The following DYNC2H1 variants were observed in gnomAD, a reference collection of about 807,000 sequenced individuals.
DYNC2H1 encodes dynein cytoplasmic 2 heavy chain 1.
DYNC2H1 carries 410 observed loss-of-function variants against 570.0 expected under a neutral mutation model. The ratio of observed to expected loss-of-function variants is 0.72; its 90% CI spans 0.66 to 0.78. The LOEUF is 0.78. DYNC2H1 is among the 30% of genes least tolerant of loss of function. DYNC2H1 has a pLI of 0.00. For missense variants in DYNC2H1, 4,865 were observed against 5,046.4 expected, an observed-to-expected ratio of 0.96 and a Z score of 1.09; for synonymous variants, 1,688 against 1,677.6, an observed-to-expected ratio of 1.01 and a Z score of -0.15.
At chr11:103,266,125 C>T (rs771516122) in intron 70 of DYNC2H1, among the ~76,000 whole-genome samples, 3 of 152,114 alleles carry the variant, frequency 2.0e-5, no homozygotes, top group Admixed American at 6.5e-5. Flanking sequence ...CACTACACTG[C>T]GATAGGTGGT....
chr11:103,398,508 C>G (rs549958349), intron 83 of DYNC2H1, among the ~76,000 whole-genome samples: 1 of 152,112 alleles, frequency 6.6e-6, no homozygotes, highest in Non-Finnish European at 1.5e-5. Context: ...AAATTACTTA[C>G]TATGCTAAAT....
chr11:103,332,525 C>T (rs765825755), intron 82 of DYNC2H1, among the ~76,000 whole-genome samples: 1 of 151,986 alleles, frequency 6.6e-6, no homozygotes, highest in South Asian at 2.1e-4. Flanking sequence ...ACCCTAGCAG[C>T]GGGGTAGAGA....
chr11:103,405,882 T>G (rs1355076141), intron 84 of DYNC2H1: 1 of 151,952 alleles, frequency 6.6e-6, no homozygotes, highest in Non-Finnish European at 1.5e-5. Context: ...AGACTATAAA[T>G]CTAAAGACAG....
Position 103,435,712 on chromosome 11 carries a change from T to C in DYNC2H1, c.12367-231T>C, listed in dbSNP as rs189397145. Among the ~76,000 whole-genome samples the C allele has an allele frequency of 6.6e-5, 10 of 152,294 alleles. No individual in the cohort carries two copies. The East Asian group carries it at 1.7e-3, about 26-fold the overall frequency. On this transcript the variant is annotated intron_variant, in intron 84 of 88. Coordinates refer to ENST00000375735, the MANE Select transcript of DYNC2H1 (RefSeq NM_001377.3). ...AAAACATGGTTGACTATTTTTTATA[T>C]GCCAGTTTAAGTTCATCTTGTTATT...
chr11:103,321,388 C>G, intron 81 of DYNC2H1, 151 bp downstream of exon 81: 1 of 921,420 alleles, frequency 1.1e-6, no homozygotes, highest in Non-Finnish European at 1.6e-6. Flanking sequence ...TTGATTCTTT[C>G]AACTTTAGTG....
intron 87 of DYNC2H1, among the ~76,000 whole-genome samples, chr11:103,459,315 AAAAAAAAAAAAAAAAAAAG>A (rs1189813576): frequency 6.9e-6 from 1 of 144,608 alleles, no homozygotes; most frequent in East Asian, 2.1e-4. Context: ...TCTCAAAAAA[AAAAAAAAAAAAAAAAAAAG>A]GAAATTCCAT....
chr11:103,207,223 GTTT>G (rs1010417972), intron 52 of DYNC2H1, among the ~76,000 whole-genome samples: 1 of 66,788 alleles, frequency 1.5e-5, no homozygotes, highest in African/African-American at 7.6e-5. Context: ...GCCTGGGCCT[GTTT>G]TTTTTTTTTT....
In DYNC2H1 at chr11:103,442,747, G is replaced by A. The variant is rs1483874498; in HGVS notation, c.12456+6715G>A. On this transcript the variant is annotated intron_variant, in intron 85 of 88. Transcript: ENST00000375735. ...ATCTGCATTGCACCTTTCATCACAT[G>A]CATACCAATTTTAGCAGCTTCCTGG... Among the ~76,000 whole-genome samples the A allele has an allele frequency of 3.3e-5, 5 of 152,132 alleles. No individual in the cohort carries two copies. The East Asian group carries it at 9.7e-4, about 29-fold the overall frequency.
chr11:103,147,223 G>A (rs1340432256), intron 18 of DYNC2H1, among the ~76,000 whole-genome samples: 1 of 151,914 alleles, frequency 6.6e-6, no homozygotes, highest in African/African-American at 2.4e-5. Context: ...AACAGTTCTG[G>A]GAATTCTGTT....
Position 103,412,383 on chromosome 11 carries a change from A to G in DYNC2H1, c.12366+12511A>G, listed in dbSNP as rs185790708. Among the ~76,000 whole-genome samples the G allele has an allele frequency of 2.6e-3, 397 of 152,230 alleles. 4 individuals are homozygous for G. Among genetic ancestry groups the G allele is most frequent in the African/African-American group, 8.8e-3 (366 of 41,526 alleles). ...TATAATTTGCTTTTTAAAGAAAACA[A>G]TATTGTAAAATAGTTATCTTCTACA... On this transcript the variant is annotated intron_variant, in intron 84 of 88. Coordinates refer to ENST00000375735, the MANE Select transcript of DYNC2H1 (RefSeq NM_001377.3).
chr11:103,371,517 C>T (rs1941145372), intron 83 of DYNC2H1, among the ~76,000 whole-genome samples: 1 of 152,002 alleles, frequency 6.6e-6, no homozygotes, highest in Admixed American at 6.6e-5. Context: ...TAATCAGACT[C>T]CCAAAGATCA....
chr11:103,462,070 A>C (rs1945032108), intron 87 of DYNC2H1, among the ~76,000 whole-genome samples: 1 of 152,200 alleles, frequency 6.6e-6, no homozygotes, highest in East Asian at 1.9e-4. Flanking sequence ...ATCAGTGTCA[A>C]AATAATGAAA....
chr11:103,154,276 T>C (rs909527087), intron 22 of DYNC2H1, among the ~76,000 whole-genome samples, 175 bp from the exon 23 acceptor site: 4 of 152,050 alleles, frequency 2.6e-5, no homozygotes, highest in Non-Finnish European at 5.9e-5. Context: ...AGTAAATAGG[T>C]AGTTTCTTAA....
At position 103,245,446 on chromosome 11, in the gene DYNC2H1, A is replaced by C. The variant is rs1864578887; in HGVS notation, c.10042+72A>C. On this transcript the variant is annotated intron_variant, in intron 65 of 88. Transcript: ENST00000375735. The surrounding 1 kb of genome is among the most constrained non-coding windows in gnomAD (Gnocchi z 4.5). ...AAAGTAAGTAATTAAACCAGGTGCA[A>C]GCTTTCAAGAGTCCTCTTCCAGTGG... 1 of 1,436,052 alleles carries C rather than the reference A, an allele frequency of 7.0e-7. No homozygotes were observed. The highest frequency in any genetic ancestry group is 9.3e-7 in the Non-Finnish European group (1 of 1,071,506). 89.0% of individuals were successfully genotyped at this position (1,436,052 alleles called of 1,614,324 possible). A position where few individuals can be genotyped will look rare whatever the true frequency, so the allele number is the denominator to read the frequency against.
chr11:103,305,416 C>T lies in DYNC2H1; in HGVS notation c.11382+696C>T, dbSNP rs7950038. ...AAGAGATGTCCTTGATAGTACTAGA[C>T]GGGCCAGGCAGGGAAGCGTGGGGAA... On this transcript the variant is annotated intron_variant, in intron 77 of 88. Coordinates refer to ENST00000375735, the MANE Select transcript of DYNC2H1 (RefSeq NM_001377.3). This position sits in a 1 kb window ranked among gnomAD's most constrained non-coding sequence, Gnocchi z 4.3. 0.17 allele frequency among the ~76,000 whole-genome samples: 25,281 copies of T among 151,962 alleles called. 2,300 individuals carry two copies. The highest frequency in any genetic ancestry group is 0.25 in the Admixed American group (3,870 of 15,242).
At chr11:103,393,475 A>G (rs1942259732) in intron 83 of DYNC2H1, among the ~76,000 whole-genome samples, 1 of 152,220 alleles carries the variant, frequency 6.6e-6, no homozygotes, top group African/African-American at 2.4e-5. Context: ...TTAATAGCCT[A>G]CTTCAAAAAT....
At chr11:103,195,996 A>G (rs1862494866) in intron 47 of DYNC2H1, among the ~76,000 whole-genome samples, 1 of 152,228 alleles carries the variant, frequency 6.6e-6, no homozygotes, top group African/African-American at 2.4e-5. Flanking sequence ...AAAGAAACAG[A>G]GGCTTGAGAA....
chr11:103,420,409 C>G (rs573300851), intron 84 of DYNC2H1, among the ~76,000 whole-genome samples: 3 of 152,024 alleles, frequency 2.0e-5, no homozygotes, highest in African/African-American at 7.2e-5. Flanking sequence ...GAAGATCAAC[C>G]CTGAGACACA....
intron 70 of DYNC2H1, among the ~76,000 whole-genome samples, chr11:103,271,981 T>C (rs1404616793): frequency 2.0e-5 from 3 of 152,186 alleles, no homozygotes; most frequent in Non-Finnish European, 2.9e-5. Context: ...GGTGGGACTG[T>C]AAACTGGTTC....
Sources: gnomAD v4.1 joint callset for allele counts (sites outside exome capture counted in the v4.1 genomes callset) on GRCh38, gnomAD v4.1.1 for gene constraint, Gnocchi (gnomAD v3.1) non-coding constraint, MANE v1.5 for transcripts, NCBI Gene and HGNC (gene_info 2026-07-23, HGNC 2026-07-21) for gene names.